The following KCNH8 variants were observed in gnomAD, a reference collection of about 807,000 sequenced individuals.
The protein encoded by KCNH8 is potassium voltage-gated channel subfamily H member 8.
In KCNH8, 70 loss-of-function variants were observed where a neutral mutation model predicts 103.6. The observed-to-expected ratio is 0.68, with a 90% CI of 0.56 to 0.82. The LOEUF (loss-of-function observed/expected upper bound fraction) is 0.82, where lower values mean the gene tolerates loss of function less well. KCNH8 is among the 40% of genes least tolerant of loss of function. The pLI is 0.00. For missense variants in KCNH8, 1,217 were observed against 1,329.9 expected, an observed-to-expected ratio of 0.92 and a Z score of 1.32; for synonymous variants, 498 against 489.4, an observed-to-expected ratio of 1.02 and a Z score of -0.23.
intron 5 of KCNH8, among the ~76,000 whole-genome samples, chr3:19,376,413 C>G (rs2066204373): frequency 6.6e-6 from 1 of 152,146 alleles, no homozygotes; most frequent in Non-Finnish European, 1.5e-5. Flanking sequence ...ACTCCCTGAC[C>G]CCTTGCGCTT....
intron 11 of KCNH8, among the ~76,000 whole-genome samples, chr3:19,475,495 C>T (rs1401176539): frequency 6.6e-6 from 1 of 152,128 alleles, no homozygotes; most frequent in African/African-American, 2.4e-5. Flanking sequence ...AGGAAAAGAA[C>T]CATTGATTCA....
chr3:19,528,352 G>A (rs1040844319), intron 15 of KCNH8, among the ~76,000 whole-genome samples: 1 of 151,942 alleles, frequency 6.6e-6, no homozygotes, highest in African/African-American at 2.4e-5. Flanking sequence ...CAGTCATTGG[G>A]GGAAATTTCC....
In KCNH8 at chr3:19,187,877, T is replaced by G. The variant is rs137869832; in HGVS notation, c.76+39082T>G. On this transcript the variant is annotated intron_variant, in intron 1 of 15. Transcript: ENST00000328405. ...TGTTGGCTGAATACTCTGGTAAAATTTCATGAATTGGGTACAGGTACAAAA... is the reference window on the plus strand; with the variant it reads ...TGTTGGCTGAATACTCTGGTAAAATGTCATGAATTGGGTACAGGTACAAAA... 3.1e-3 allele frequency among the ~76,000 whole-genome samples: 469 copies of G among 152,182 alleles called. 2 individuals are homozygous for G. Among genetic ancestry groups the G allele is most frequent in the Middle Eastern group, 6.8e-3 (2 of 294 alleles).
chr3:19,303,179 T>C (rs1177100496), intron 3 of KCNH8, among the ~76,000 whole-genome samples: 1 of 152,204 alleles, frequency 6.6e-6, no homozygotes, highest in Non-Finnish European at 1.5e-5. Context: ...TACTATACAA[T>C]ATGGCCTGCA....
At chr3:19,331,762 T>G (rs987287601) in intron 3 of KCNH8, among the ~76,000 whole-genome samples, 2 of 152,194 alleles carry the variant, frequency 1.3e-5, no homozygotes, top group Non-Finnish European at 2.9e-5. Context: ...TATACCCTTT[T>G]AAGTTATTGT....
chr3:19,426,770 C>G (rs1452118216), intron 7 of KCNH8, among the ~76,000 whole-genome samples: 1 of 152,056 alleles, frequency 6.6e-6, no homozygotes, highest in Non-Finnish European at 1.5e-5. Context: ...TAGTCCTGTT[C>G]TTCTTTCCAC....
At chr3:19,333,060 G>T (rs1575534125) in intron 3 of KCNH8, among the ~76,000 whole-genome samples, 3 of 152,032 alleles carry the variant, frequency 2.0e-5, no homozygotes, top group Non-Finnish European at 4.4e-5. Context: ...TATCTCATAT[G>T]GTGTCTATTG....
At chr3:19,384,999 T>C (rs1437245993) in intron 5 of KCNH8, among the ~76,000 whole-genome samples, 1 of 151,998 alleles carries the variant, frequency 6.6e-6, no homozygotes, top group East Asian at 1.9e-4. Flanking sequence ...CTAGAGAGTA[T>C]CATCGGGCCT....
chr3:19,236,757 G>C lies in KCNH8; in HGVS notation c.77-16897G>C, dbSNP rs117914917. Among the ~76,000 whole-genome samples the C allele has an allele frequency of 1.1e-3, 172 of 151,502 alleles. No individual in the cohort carries two copies. In the East Asian group the frequency reaches 0.028, roughly 25 times the overall value. The stretch of plus-strand genomic sequence containing the variant: ...AACATGTGTAAATGAAGATATCTAA[G>C]ACAAGGAAAAAAAAAGCCAAAGGAG... On this transcript the variant is annotated intron_variant, in intron 1 of 15. Coordinates refer to ENST00000328405, the MANE Select transcript of KCNH8 (RefSeq NM_144633.3).
In KCNH8 at chr3:19,456,754, C is replaced by G; in HGVS notation, c.1826-14C>G. The G allele has an allele frequency of 1.3e-6, 2 of 1,549,304 alleles. No individual in the cohort carries two copies. Among genetic ancestry groups the G allele is most frequent in the Non-Finnish European group, 8.9e-7 (1 of 1,125,010 alleles). On this transcript the variant is annotated splice_polypyrimidine_tract_variant and intron_variant, in intron 10 of 15. Coordinates refer to ENST00000328405, the MANE Select transcript of KCNH8 (RefSeq NM_144633.3). ...CTTTTTTTTTTTGAAAATGATCTCT[C>G]TCTCTCTTTCTAGGGAAAGGGGATT...
chr3:19,248,675 A>G (rs1263379579), intron 1 of KCNH8, among the ~76,000 whole-genome samples: 2 of 152,226 alleles, frequency 1.3e-5, no homozygotes, highest in Non-Finnish European at 2.9e-5. Context: ...ACAGGAAACT[A>G]AAGTTCTCTA....
chr3:19,253,073 G>T (rs1311959255), intron 1 of KCNH8, among the ~76,000 whole-genome samples: 1 of 152,074 alleles, frequency 6.6e-6, no homozygotes, highest in Non-Finnish European at 1.5e-5. Flanking sequence ...ACCTTTAGTT[G>T]TACTCCTCAC....
At chr3:19,520,541 TAA>T (rs1309648289) in intron 15 of KCNH8, among the ~76,000 whole-genome samples, 1 of 151,522 alleles carries the variant, frequency 6.6e-6, no homozygotes, top group Non-Finnish European at 1.5e-5. Flanking sequence ...CATCTTTCTG[TAA>T]AGAGTTTATA....
At chr3:19,391,477 T>C (rs2066437080) in intron 6 of KCNH8, among the ~76,000 whole-genome samples, 1 of 152,030 alleles carries the variant, frequency 6.6e-6, no homozygotes, top group South Asian at 2.1e-4. Flanking sequence ...AATCAGATAT[T>C]CTAGTCAATT....
intron 1 of KCNH8, among the ~76,000 whole-genome samples, chr3:19,209,136 T>C (rs1441651745): frequency 1.3e-5 from 2 of 152,026 alleles, no homozygotes; most frequent in Non-Finnish European, 2.9e-5. Context: ...TATATATGTA[T>C]AGCCATAAAG....
At chr3:19,503,478 C>G (rs373879100) in intron 11 of KCNH8, among the ~76,000 whole-genome samples, 1 of 152,072 alleles carries the variant, frequency 6.6e-6, no homozygotes, top group Non-Finnish European at 1.5e-5. Context: ...CACATGCACA[C>G]GTATGTTTAT....
At chr3:19,501,759 A>G (rs1344255734) in intron 11 of KCNH8, among the ~76,000 whole-genome samples, 1 of 152,248 alleles carries the variant, frequency 6.6e-6, no homozygotes. Flanking sequence ...TAAATTAGGT[A>G]TTGATGTGAC....
At chr3:19,354,511 T>C (rs1307940475) in intron 5 of KCNH8, among the ~76,000 whole-genome samples, 1 of 152,118 alleles carries the variant, frequency 6.6e-6, no homozygotes, top group Admixed American at 6.5e-5. Flanking sequence ...CAAAACAGCA[T>C]GGTACTGGTA....
intron 1 of KCNH8, among the ~76,000 whole-genome samples, chr3:19,228,785 C>A (rs2063961019): frequency 6.6e-6 from 1 of 152,194 alleles, no homozygotes; most frequent in African/African-American, 2.4e-5. Context: ...AATAAAGCTA[C>A]ATGCTTAATG....
Sources: gnomAD v4.1 joint callset for allele counts (sites outside exome capture counted in the v4.1 genomes callset) on GRCh38, gnomAD v4.1.1 for gene constraint, MANE v1.5 for transcripts, NCBI Gene and HGNC (gene_info 2026-07-23, HGNC 2026-07-21) for gene names.